The following STK17B variants were observed in gnomAD, a reference collection of about 807,000 sequenced individuals.
The protein encoded by STK17B is serine/threonine kinase 17b, also known as serine/threonine-protein kinase 17B.
A neutral mutation model predicts 42.0 loss-of-function variants in STK17B; 21 were observed. The ratio of observed to expected loss-of-function variants is 0.50; its 90% CI spans 0.35 to 0.72. STK17B has a LOEUF of 0.72. Ranked by LOEUF, STK17B falls within the 30% of genes least tolerant of loss-of-function variation. The pLI is 0.00. For synonymous variants in STK17B, 143 were observed against 148.4 expected (o/e 0.96, Z 0.26); for missense variants, 349 against 446.0 (o/e 0.78, Z 1.96).
Position 196,147,048 on chromosome 2 carries a change from G to C in STK17B, c.336-993C>G, listed in dbSNP as rs566012273. ...TCTATTTACCTGCAATATAACTTAG[G>C]GTCAGTTACTTATAGTCATCCATAA... On this transcript the variant is annotated intron_variant, in intron 3 of 7. Transcript: ENST00000263955. Among the ~76,000 whole-genome samples the C allele has an allele frequency of 4.6e-5, 7 of 151,916 alleles. No homozygotes were observed. The South Asian group carries it at 1.3e-3, about 27-fold the overall frequency.
At chr2:196,139,902 G>A (rs1203459766) in intron 6 of STK17B, 103 bp from the exon 7 acceptor site, 5 of 785,452 alleles carry the variant, frequency 6.4e-6, no homozygotes, top group Admixed American at 3.3e-5. Flanking sequence ...AACTGGTACG[G>A]TTAAACTACA....
At chr2:196,160,899 T>C (rs936204041) in intron 2 of STK17B, among the ~76,000 whole-genome samples, 6 of 152,216 alleles carry the variant, frequency 3.9e-5, no homozygotes, top group African/African-American at 1.4e-4. Flanking sequence ...TAAAGCAATT[T>C]AGAATTACTA....
chr2:196,146,054 C>A lies in STK17B; in HGVS notation c.337G>T (p.Ala113Ser). Residue 113 changes from alanine (A) to serine (S), a missense_variant and splice_region_variant, in exon 4 of 8, where the codon GCT (alanine) becomes TCT (serine). Around this residue, in one of 3 missense-constraint regions of STK17B, gnomAD observed 256 missense variants for 347.7 expected, o/e 0.74. Transcript: ENST00000263955. ...AGGCTGAAAATTTCTCCACCTGCAG[C>A]ACTAAAATAAAATTCAAAGAACAGA... ...TSEIILILEY[A>S]AGGEIFSLCL... is the part of the protein sequence containing the mutation. The A allele has an allele frequency of 6.3e-7, 1 of 1,578,678 alleles. No homozygotes were observed. The highest frequency in any genetic ancestry group is 8.6e-7 in the Non-Finnish European group (1 of 1,169,088).
intron 3 of STK17B, among the ~76,000 whole-genome samples, chr2:196,152,496 T>C (rs887218379): frequency 6.6e-6 from 1 of 152,250 alleles, no homozygotes; most frequent in Non-Finnish European, 1.5e-5. Context: ...ATTTACTCTT[T>C]GACCAGCAAT....
chr2:196,159,603 T>C (rs969044025), intron 2 of STK17B, among the ~76,000 whole-genome samples: 1 of 152,190 alleles, frequency 6.6e-6, no homozygotes, highest in African/African-American at 2.4e-5. Flanking sequence ...CATGAGCCAC[T>C]GCACCAGCCC....
In STK17B at chr2:196,171,378, GC is replaced by G. The variant is rs1217110578; in HGVS notation, c.-91del. On this transcript the variant is annotated 5_prime_UTR_variant, in exon 1 of 8. Transcript: ENST00000263955. The stretch of plus-strand genomic sequence containing the variant: ...CTCCCGGGACTGCCCCCTCCAGGGG[GC>G]CGCTGTCCCGCCCCACGCCGGGGGC... The G allele has an allele frequency of 6.6e-6, 1 of 152,306 alleles. No homozygotes were observed. The highest frequency in any genetic ancestry group is 1.5e-5 in the Non-Finnish European group (1 of 68,162). 9.4% of individuals were successfully genotyped at this position (152,306 alleles called of 1,614,324 possible).
chr2:196,158,428 T>C (rs1250643068), intron 2 of STK17B, among the ~76,000 whole-genome samples: 3 of 152,246 alleles, frequency 2.0e-5, no homozygotes, highest in African/African-American at 7.2e-5. Context: ...ACCTGATTCT[T>C]TGAAAGCAGT....
In STK17B at chr2:196,158,796, G is replaced by A. The variant is rs567441531; in HGVS notation, c.123-2145C>T. ...GGAGGCCAAGGCGGGCAGATCCAGA[G>A]GTCAGGAGATCAAGACCATCTTGAC... On this transcript the variant is annotated intron_variant, in intron 2 of 7. Transcript: ENST00000263955. Among the ~76,000 whole-genome samples, 109 of 152,170 alleles carry A rather than the reference G, an allele frequency of 7.2e-4. 1 individual carries two copies. The highest frequency in any genetic ancestry group is 6.8e-3 in the Middle Eastern group (2 of 294).
At chr2:196,161,277 AAAAAAAAGAAAAAG>A (rs1235749861) in intron 2 of STK17B, among the ~76,000 whole-genome samples, 147 of 150,422 alleles carry the variant, frequency 9.8e-4, no homozygotes, top group African/African-American at 3.6e-3. Flanking sequence ...CAGGAAACTT[AAAAAAAAGAAAAAG>A]AAAAAAAGAA....
rs1699374674 is a variant in STK17B, at chr2:196,134,882, G to A, written c.*2565C>T. 6.6e-6 allele frequency: 1 copy of A among 152,182 alleles called. No individual in the cohort carries two copies. The highest frequency in any genetic ancestry group is 2.4e-5 in the African/African-American group (1 of 41,436). 9.4% of individuals were successfully genotyped at this position (152,182 alleles called of 1,614,324 possible). A position where few individuals can be genotyped will look rare whatever the true frequency, so the allele number is the denominator to read the frequency against. On this transcript the variant is annotated 3_prime_UTR_variant, in exon 8 of 8. Coordinates refer to ENST00000263955, the MANE Select transcript of STK17B (RefSeq NM_004226.4). Reference sequence around the variant, plus strand: ...GCTTTTCAATCTTGGGAGAAAAAGAGTAAGAATTGAATCATTTGCTAAAAA... The same window carrying A: ...GCTTTTCAATCTTGGGAGAAAAAGAATAAGAATTGAATCATTTGCTAAAAA...
intron 3 of STK17B, chr2:196,154,580 A>C (rs548586446): frequency 2.0e-5 from 3 of 152,386 alleles, no homozygotes; most frequent in South Asian, 2.1e-4. Context: ...TAGTTTTTCA[A>C]CTTTTCTATA....
intron 1 of STK17B, among the ~76,000 whole-genome samples, chr2:196,169,232 T>G (rs1170921210): frequency 6.6e-6 from 1 of 151,916 alleles, no homozygotes; most frequent in South Asian, 2.1e-4. Context: ...CGCGCCACAA[T>G]GCCCGGCTAA....
chr2:196,170,793 C>G (rs1699929918), intron 1 of STK17B: 1 of 152,234 alleles, frequency 6.6e-6, no homozygotes, highest in African/African-American at 2.4e-5. Flanking sequence ...AACACTGTTC[C>G]CAAGCAGTAA....
At chr2:196,164,038 C>CAATAAATAAATAAATAAATAAATA (rs60492880) in intron 1 of STK17B, among the ~76,000 whole-genome samples, 1 of 146,090 alleles carries the variant, frequency 6.8e-6, no homozygotes, top group Non-Finnish European at 1.5e-5. Context: ...GATCTTATCT[C>CAATAAATAAATAAATAAATAAATA]AATAAATAAA....
At chr2:196,163,645 A>C (rs1300604865) in intron 1 of STK17B, among the ~76,000 whole-genome samples, 1 of 152,188 alleles carries the variant, frequency 6.6e-6, no homozygotes, top group Admixed American at 6.5e-5. Flanking sequence ...TCAGAATAAA[A>C]CTACGGTAAA....
At chr2:196,176,461 G>A (rs915769605), upstream of STK17B, 2 of 152,136 alleles carry the variant, frequency 1.3e-5, no homozygotes, top group African/African-American at 4.8e-5. Flanking sequence ...AACACACCAG[G>A]CTCTAAAGTT....
chr2:196,168,646 A>C (rs7562759), intron 1 of STK17B, among the ~76,000 whole-genome samples: 5,449 of 151,258 alleles, frequency 0.036, 278 homozygotes, highest in African/African-American at 0.12. Context: ...ATATTAAAAG[A>C]AACTAATATA....
intron 3 of STK17B, among the ~76,000 whole-genome samples, chr2:196,148,018 G>A (rs1446054854): frequency 2.6e-5 from 4 of 152,070 alleles, no homozygotes; most frequent in African/African-American, 9.7e-5. Context: ...GTGAGCCATC[G>A]TGCCTGGCCG....
chr2:196,150,198 A>G (rs1276578483), intron 3 of STK17B, among the ~76,000 whole-genome samples: 4 of 151,410 alleles, frequency 2.6e-5, no homozygotes, highest in Non-Finnish European at 5.9e-5. Flanking sequence ...AAAAAAAAAA[A>G]AAAAAGACAA....
Sources: gnomAD v4.1 joint callset for allele counts (sites outside exome capture counted in the v4.1 genomes callset) on GRCh38, gnomAD v4.1.1 for gene constraint, gnomAD v4.1.1 regional missense constraint, MANE v1.5 for transcripts, NCBI Gene and HGNC (gene_info 2026-07-23, HGNC 2026-07-21) for gene names.